The following FAP variants were observed in gnomAD, a reference collection of about 807,000 sequenced individuals.
FAP encodes the protein prolyl endopeptidase FAP.
FAP carries 110 observed loss-of-function variants against 126.5 expected under a neutral mutation model. The observed-to-expected ratio is 0.87, with a 90% CI of 0.74 to 1.02. The LOEUF is 1.02. FAP is among the 50% of genes least tolerant of loss of function. FAP has a pLI of 0.00. For synonymous variants in FAP, 334 were observed against 297.3 expected (o/e 1.12, Z -1.27); for missense variants, 919 against 909.2 (o/e 1.01, Z -0.14).
chr2:162,202,609 GTTA>G (rs1197415707), intron 14 of FAP, among the ~76,000 whole-genome samples: 1 of 152,172 alleles, frequency 6.6e-6, no homozygotes, highest in Admixed American at 6.5e-5. Context: ...TTTAGAACGA[GTTA>G]TTATCTTAAA....
chr2:162,209,695 A>G (rs1576170887), intron 12 of FAP: 3 of 435,266 alleles, frequency 6.9e-6, no homozygotes, highest in Non-Finnish European at 1.2e-5. Flanking sequence ...TATTAGTTAT[A>G]GATACCAAGG....
chr2:162,235,303 C>A (rs988812206), intron 2 of FAP, among the ~76,000 whole-genome samples: 1 of 152,218 alleles, frequency 6.6e-6, no homozygotes, highest in East Asian at 1.9e-4. Flanking sequence ...AGTGCCAGCG[C>A]ATGGCGCGGG....
chr2:162,229,656 A>G (rs1689810664), intron 2 of FAP, among the ~76,000 whole-genome samples: 1 of 152,174 alleles, frequency 6.6e-6, no homozygotes, highest in African/African-American at 2.4e-5. Context: ...TCGTATCATT[A>G]AAAAGCATTT....
rs1169223733 is a variant in FAP, at chr2:162,215,982, A to T, written c.782T>A (p.Val261Asp). The T allele has an allele frequency of 6.2e-7, 1 of 1,614,048 alleles. No individual in the cohort carries two copies. ...GGTATCGATAATAAATATCCGAACA[A>T]CGGGATTCTTAGCTCCAGCCTGCCA... is the stretch of plus-strand genomic sequence containing the variant. ...PYPKAGAKNP[V>D]VRIFIIDTTY... Residue 261 changes from valine to aspartate, a missense_variant, in exon 10 of 26, where the codon GTT becomes GAT. Coordinates refer to ENST00000188790, the MANE Select transcript of FAP (RefSeq NM_004460.5).
At chr2:162,210,060 TG>T in intron 11 of FAP, 64 bp from the exon 12 acceptor site, 1 of 1,393,920 alleles carries the variant, frequency 7.2e-7, no homozygotes, top group Non-Finnish European at 1.0e-6. Flanking sequence ...AAATGTAATC[TG>T]GACATTTGGA....
chr2:162,221,046 T>C (rs1353894663), intron 6 of FAP, among the ~76,000 whole-genome samples: 1 of 152,080 alleles, frequency 6.6e-6, no homozygotes, highest in Non-Finnish European at 1.5e-5. Flanking sequence ...CACACTGCCT[T>C]GATGTAACTT....
intron 23 of FAP, 93 bp from the exon 24 acceptor site, chr2:162,173,314 G>T: frequency 1.2e-6 from 1 of 863,730 alleles, no homozygotes; most frequent in Non-Finnish European, 2.0e-6. Flanking sequence ...CACCAATACT[G>T]AAATTATGTA....
intron 11 of FAP, among the ~76,000 whole-genome samples, chr2:162,212,863 T>C (rs1308954775): frequency 6.6e-6 from 1 of 152,170 alleles, no homozygotes; most frequent in African/African-American, 2.4e-5. Context: ...AGCTTATACA[T>C]TGGTTAAGTG....
At position 162,204,934 on chromosome 2, in the gene FAP, C is replaced by T. The variant is rs145265518; in HGVS notation, c.1048-1789G>A. On this transcript the variant is annotated intron_variant, in intron 12 of 25. Coordinates refer to ENST00000188790, the MANE Select transcript of FAP (RefSeq NM_004460.5). The stretch of plus-strand genomic sequence containing the variant: ...ACATATACAAACCAAAACCTAACTA[C>T]GAGTCCAGCAAAAGGGTTTCAGCCA... 8.0e-3 allele frequency among the ~76,000 whole-genome samples: 1,222 copies of T among 152,188 alleles called. 4 individuals are homozygous for T. Among genetic ancestry groups the T allele is most frequent in the Admixed American group, 0.011 (170 of 15,280 alleles).
intron 20 of FAP, 28 bp from the exon 21 acceptor site, chr2:162,183,496 A>T: frequency 7.3e-7 from 1 of 1,370,670 alleles, no homozygotes; most frequent in Non-Finnish European, 1.0e-6. Context: ...AATTTTTAGA[A>T]TGTTAAGTGT....
intron 2 of FAP, among the ~76,000 whole-genome samples, chr2:162,238,549 C>G (rs959595546): frequency 6.6e-6 from 1 of 152,064 alleles, no homozygotes; most frequent in Non-Finnish European, 1.5e-5. Flanking sequence ...ATTTCTTTAT[C>G]TTGACTAAAA....
chr2:162,189,382 T>C (rs1291900407), intron 18 of FAP, among the ~76,000 whole-genome samples: 2 of 152,006 alleles, frequency 1.3e-5, no homozygotes, highest in South Asian at 2.1e-4. Context: ...TCTAGAAGGA[T>C]ACATTTTAAA....
Position 162,214,065 on chromosome 2 carries a change from T to C in FAP, c.875A>G (p.Tyr292Cys). 1 of 1,613,808 alleles carries C rather than the reference T, an allele frequency of 6.2e-7. No individual in the cohort carries two copies. The highest frequency in any genetic ancestry group is 2.2e-5 in the East Asian group (1 of 44,854). The change falls in exon 11 of 26, where the codon TAT becomes TGT. Residue 292 changes from tyrosine to cysteine, a missense_variant. Physicochemically the swap from Tyr to Cys is radical, Grantham distance 194. Coordinates refer to ENST00000188790, the MANE Select transcript of FAP (RefSeq NM_004460.5). ...VPAMIASSDY[Y>C]FSWLTWVTDE... is the part of the protein sequence containing the mutation. ...AGTAACCCACGTGAGCCAACTGAAA[T>C]AATAATCACTGCAAATAAAATAGAA...
intron 2 of FAP, among the ~76,000 whole-genome samples, chr2:162,236,364 G>T (rs1216426045): frequency 6.6e-6 from 1 of 151,786 alleles, no homozygotes; most frequent in African/African-American, 2.4e-5. Flanking sequence ...AAACGTTTGT[G>T]AAGAATTTGT....
At chr2:162,217,913 C>G in intron 9 of FAP, 73 bp downstream of exon 9, 1 of 1,241,434 alleles carries the variant, frequency 8.1e-7, no homozygotes, top group Non-Finnish European at 1.1e-6. Flanking sequence ...TTGATCCCAC[C>G]TTTACTCATG....
At chr2:162,232,997 A>T (rs1689958815) in intron 2 of FAP, among the ~76,000 whole-genome samples, 1 of 152,100 alleles carries the variant, frequency 6.6e-6, no homozygotes. Flanking sequence ...AGGAAGAGCA[A>T]CTTTCCTAGG....
Position 162,224,462 on chromosome 2 carries a change from A to T in FAP, c.360+4T>A, listed in dbSNP as rs773319330. Reference sequence around the variant, plus strand: ...TGGATATAACCAAATTAAATAGTTGATACCTTTGAATAATCACTTTCTAGA... The same window carrying T: ...TGGATATAACCAAATTAAATAGTTGTTACCTTTGAATAATCACTTTCTAGA... On this transcript the variant is annotated splice_donor_region_variant and intron_variant, in intron 5 of 25. Transcript: ENST00000188790. 2 of 1,555,774 alleles carry T rather than the reference A, an allele frequency of 1.3e-6. No homozygotes were observed. The highest frequency in any genetic ancestry group is 3.8e-5 in the Admixed American group (2 of 52,840).
At chr2:162,236,355 A>C (rs1690129000) in intron 2 of FAP, among the ~76,000 whole-genome samples, 1 of 152,148 alleles carries the variant, frequency 6.6e-6, no homozygotes, top group Non-Finnish European at 1.5e-5. Flanking sequence ...ATTTTTTGAA[A>C]ACGTTTGTGA....
chr2:162,179,446 C>T (rs1687607496), intron 21 of FAP, among the ~76,000 whole-genome samples: 1 of 152,066 alleles, frequency 6.6e-6, no homozygotes, highest in Non-Finnish European at 1.5e-5. Flanking sequence ...TGTGGCCAAG[C>T]ATTGTGCTAA....
Sources: gnomAD v4.1 joint callset for allele counts (sites outside exome capture counted in the v4.1 genomes callset) on GRCh38, gnomAD v4.1.1 for gene constraint, MANE v1.5 for transcripts, NCBI Gene and HGNC (gene_info 2026-07-23, HGNC 2026-07-21) for gene names.